EIF4ENIF1: variants seen among roughly 807,000 people sequenced by gnomAD.
EIF4ENIF1 encodes eukaryotic translation initiation factor 4E nuclear import factor 1, also known as eukaryotic translation initiation factor 4E transporter.
A neutral mutation model predicts 110.5 loss-of-function variants in EIF4ENIF1; 23 were observed. That is an observed-to-expected ratio of 0.21 (90% CI 0.15 to 0.29). The LOEUF is 0.29. Ranked by LOEUF, EIF4ENIF1 falls within the 10% of genes least tolerant of loss-of-function variation. The pLI is 1.00. For missense variants in EIF4ENIF1, 1,031 were observed against 1,221.1 expected (o/e 0.84, Z 2.32); for synonymous variants, 440 against 437.0 (o/e 1.01, Z -0.09).
chr22:31,472,827 T>C (rs1244557111), intron 2 of EIF4ENIF1, among the ~76,000 whole-genome samples: 1 of 152,208 alleles, frequency 6.6e-6, no homozygotes, highest in Non-Finnish European at 1.5e-5. Flanking sequence ...TTTGGAGACA[T>C]TTAAAGTCCT....
chr22:31,438,230 A>G (rs1229614450), downstream of EIF4ENIF1, among the ~76,000 whole-genome samples: 1 of 152,208 alleles, frequency 6.6e-6, no homozygotes, highest in African/African-American at 2.4e-5. Context: ...CTTGAGTAGC[A>G]TGGGAAATAA....
At chr22:31,469,860 T>C (rs928882546) in intron 3 of EIF4ENIF1, among the ~76,000 whole-genome samples, 1 of 152,068 alleles carries the variant, frequency 6.6e-6, no homozygotes, top group Non-Finnish European at 1.5e-5. Flanking sequence ...GCCCAGATAA[T>C]TTTTAAAAAT....
chr22:31,467,485 C>T (rs1244495086), intron 4 of EIF4ENIF1, among the ~76,000 whole-genome samples: 1 of 152,088 alleles, frequency 6.6e-6, no homozygotes, highest in Non-Finnish European at 1.5e-5. Flanking sequence ...AGTCTCAAAC[C>T]GTATCCAAGC....
chr22:31,440,750 T>C lies in EIF4ENIF1; in HGVS notation c.2670A>G (p.Gly890=). 2 of 1,613,968 alleles carry C rather than the reference T, an allele frequency of 1.2e-6. No individual in the cohort carries two copies. Among genetic ancestry groups the C allele is most frequent in the South Asian group, 1.1e-5 (1 of 91,078 alleles). Residue 890 remains glycine (G), a synonymous_variant, in exon 18 of 19, where the codon GGA becomes GGG. Coordinates refer to ENST00000330125, the MANE Select transcript of EIF4ENIF1 (RefSeq NM_019843.4). ...ASHPLLNPRP[G]TPLHLAMVQQ... Reference sequence around the variant, plus strand: ...GCACCATTGCCAGATGCAGAGGTGTTCCAGGACGAGGGTTTAAGAGAGGGT... The same window carrying C: ...GCACCATTGCCAGATGCAGAGGTGTCCCAGGACGAGGGTTTAAGAGAGGGT...
At position 31,465,966 on chromosome 22, in the gene EIF4ENIF1, A is replaced by G. The variant is rs543007693; in HGVS notation, c.299-1999T>C. On this transcript the variant is annotated intron_variant, in intron 4 of 18. Coordinates refer to ENST00000330125, the MANE Select transcript of EIF4ENIF1 (RefSeq NM_019843.4). ...AGGAAATGTAAACTAATCTATAGAA[A>G]CAGAAAGCAGATACAGAAAGCAGAT... Among the ~76,000 whole-genome samples, 34 of 152,332 alleles carry G rather than the reference A, an allele frequency of 2.2e-4. 1 individual carries two copies. In the East Asian group the frequency reaches 6.6e-3, roughly 29 times the overall value.
chr22:31,450,741 C>CA, intron 10 of EIF4ENIF1: 2 of 158,706 alleles, frequency 1.3e-5, no homozygotes, highest in East Asian at 6.2e-4. Flanking sequence ...CACACACACA[C>CA]TCATATATAC....
At chr22:31,469,661 A>G (rs998951872) in intron 3 of EIF4ENIF1, among the ~76,000 whole-genome samples, 5 of 152,184 alleles carry the variant, frequency 3.3e-5, no homozygotes, top group African/African-American at 1.2e-4. Flanking sequence ...TCTCTGCTTC[A>G]GAAATAAAAG....
At chr22:31,467,955 T>C (rs1053517434) in intron 4 of EIF4ENIF1, among the ~76,000 whole-genome samples, 13 of 152,204 alleles carry the variant, frequency 8.5e-5, no homozygotes, top group African/African-American at 2.9e-4. Flanking sequence ...TCGGTACTTT[T>C]AATTCAGAAG....
intron 7 of EIF4ENIF1, among the ~76,000 whole-genome samples, chr22:31,457,296 A>G (rs1275193374): frequency 6.6e-6 from 1 of 152,240 alleles, no homozygotes; most frequent in East Asian, 1.9e-4. Context: ...CTTTGGTAGA[A>G]ATTATGAAAT....
chr22:31,450,259 C>A (rs1353555385), intron 11 of EIF4ENIF1, 30 bp downstream of exon 11: 1 of 1,598,254 alleles, frequency 6.3e-7, no homozygotes, highest in Non-Finnish European at 8.6e-7. Flanking sequence ...GTTCAAGACT[C>A]CAAGGCCTCA....
At chr22:31,450,160 A>G (rs2145925982) in intron 11 of EIF4ENIF1, 129 bp downstream of exon 11, 1 of 724,600 alleles carries the variant, frequency 1.4e-6, no homozygotes, top group Non-Finnish European at 2.4e-6. Flanking sequence ...GTCAGGCAAC[A>G]ATATCACCTC....
intron 10 of EIF4ENIF1, chr22:31,450,846 C>T (rs1484073975): frequency 1.6e-4 from 9 of 57,838 alleles, no homozygotes; most frequent in Non-Finnish European, 2.8e-4. Flanking sequence ...ATATATACTA[C>T]ACACACACAC....
At chr22:31,485,212 A>G (rs1257121324) in intron 2 of EIF4ENIF1, among the ~76,000 whole-genome samples, 1 of 152,220 alleles carries the variant, frequency 6.6e-6, no homozygotes, top group Non-Finnish European at 1.5e-5. Context: ...TTGGTAGAAA[A>G]GACTTAAATC....
chr22:31,475,091 A>G (rs556765594), intron 2 of EIF4ENIF1, among the ~76,000 whole-genome samples: 1 of 152,322 alleles, frequency 6.6e-6, no homozygotes, highest in African/African-American at 2.4e-5. Flanking sequence ...CCGCCTTAGG[A>G]CTATATGATA....
intron 11 of EIF4ENIF1, among the ~76,000 whole-genome samples, chr22:31,449,870 A>G (rs1014170554): frequency 6.6e-6 from 1 of 151,802 alleles, no homozygotes; most frequent in Non-Finnish European, 1.5e-5. Context: ...AGTTGGGATT[A>G]CAGGCATGTG....
At chr22:31,454,938 T>C (rs919956962) in intron 9 of EIF4ENIF1, among the ~76,000 whole-genome samples, 198 bp downstream of exon 9, 5 of 152,176 alleles carry the variant, frequency 3.3e-5, no homozygotes, top group South Asian at 4.1e-4. Flanking sequence ...AAAGTTCTCA[T>C]AGGGCTCATG....
upstream of EIF4ENIF1, chr22:31,490,038 T>C (rs2052208498): frequency 3.3e-5 from 5 of 152,366 alleles, no homozygotes; most frequent in Admixed American, 2.0e-4. Flanking sequence ...GGGAAGGTGG[T>C]GGCGGCGAGG....
At chr22:31,482,788 C>G (rs559962796) in intron 2 of EIF4ENIF1, among the ~76,000 whole-genome samples, 217 of 151,802 alleles carry the variant, frequency 1.4e-3, no homozygotes, top group Non-Finnish European at 2.5e-3. Flanking sequence ...CTTTAGGAGG[C>G]CAAGGTGGGT....
chr22:31,463,604 C>G (rs938683770), intron 5 of EIF4ENIF1, 77 bp downstream of exon 5: 7 of 1,381,378 alleles, frequency 5.1e-6, no homozygotes, highest in Non-Finnish European at 6.7e-6. Context: ...CAAGATCGTG[C>G]CATTGCACTC....
Sources: allele counts gnomAD v4.1 joint callset (sites outside exome capture counted in the v4.1 genomes callset), GRCh38; gene constraint gnomAD v4.1.1; transcripts MANE v1.5; gene names NCBI Gene and HGNC (gene_info 2026-07-23, HGNC 2026-07-21).